SESTD1: variants seen among roughly 807,000 people sequenced by gnomAD.
The protein encoded by SESTD1 is SEC14 domain and spectrin repeat-containing protein 1.
A neutral mutation model predicts 101.7 loss-of-function variants in SESTD1; 43 were observed. That is an observed-to-expected ratio of 0.42 (90% CI 0.33 to 0.55). The LOEUF (loss-of-function observed/expected upper bound fraction) is 0.55. Ranked by LOEUF, SESTD1 falls within the 20% of genes least tolerant of loss-of-function variation. The pLI is 0.07. For missense variants in SESTD1, 647 were observed against 815.1 expected, an observed-to-expected ratio of 0.79 and a Z score of 2.51; for synonymous variants, 283 against 286.8, an observed-to-expected ratio of 0.99 and a Z score of 0.13.
At chr2:179,142,936 T>C (rs1236373457) in intron 9 of SESTD1, among the ~76,000 whole-genome samples, 1 of 152,218 alleles carries the variant, frequency 6.6e-6, no homozygotes, top group Non-Finnish European at 1.5e-5. Context: ...GTTTATCTAA[T>C]GAGTAAATGA....
chr2:179,106,925 A>G lies in SESTD1; in HGVS notation c.*2974T>C, dbSNP rs2044395630. On this transcript the variant is annotated 3_prime_UTR_variant, in exon 18 of 18. Coordinates refer to ENST00000428443, the MANE Select transcript of SESTD1 (RefSeq NM_178123.5). ...TATATATTAAGCTTACACAGGAGCA[A>G]ACAAATGATAAAAGAAAAAAAAAAT... 1 of 152,122 alleles carries G rather than the reference A, an allele frequency of 6.6e-6. No individual in the cohort carries two copies. Among genetic ancestry groups the G allele is most frequent in the Non-Finnish European group, 1.5e-5 (1 of 68,022 alleles). The allele number at this position is 152,122 out of a possible 1,614,324, so 9.4% of individuals were successfully genotyped here. A position where few individuals can be genotyped will look rare whatever the true frequency, so the allele number is the denominator to read the frequency against.
At chr2:179,116,107 C>T (rs2044625766) in intron 15 of SESTD1, among the ~76,000 whole-genome samples, 1 of 152,010 alleles carries the variant, frequency 6.6e-6, no homozygotes, top group South Asian at 2.1e-4. Context: ...AACCCCATCT[C>T]TACTAAAAAG....
At chr2:179,154,123 C>T (rs2045580810) in intron 5 of SESTD1, among the ~76,000 whole-genome samples, 1 of 150,176 alleles carries the variant, frequency 6.7e-6, no homozygotes, top group Non-Finnish European at 1.5e-5. Flanking sequence ...GTCCCAGCTA[C>T]TTGGGAAGCT....
intron 1 of SESTD1, among the ~76,000 whole-genome samples, chr2:179,231,558 T>C (rs1273752388): frequency 6.7e-6 from 1 of 150,096 alleles, no homozygotes; most frequent in Non-Finnish European, 1.5e-5. Flanking sequence ...AGAAAGCACA[T>C]CATAGAGAAA....
intron 1 of SESTD1, among the ~76,000 whole-genome samples, chr2:179,214,699 C>T (rs1295939021): frequency 7.4e-6 from 1 of 135,174 alleles, no homozygotes; most frequent in Non-Finnish European, 1.6e-5. Context: ...TTCTCAGCAC[C>T]ACATCACACT....
At chr2:179,255,387 A>G (rs559061626) in intron 1 of SESTD1, among the ~76,000 whole-genome samples, 4 of 152,348 alleles carry the variant, frequency 2.6e-5, no homozygotes, top group African/African-American at 7.2e-5. Context: ...CAGAAAACAT[A>G]CGAATGATAA....
At chr2:179,145,329 C>T (rs928627696) in intron 8 of SESTD1, among the ~76,000 whole-genome samples, 4 of 152,108 alleles carry the variant, frequency 2.6e-5, no homozygotes, top group African/African-American at 9.7e-5. Flanking sequence ...AGTCCCAGCT[C>T]CAGCATTTAC....
At position 179,204,585 on chromosome 2, in the gene SESTD1, T is replaced by C. The variant is rs939921577; in HGVS notation, c.-25-12719A>G. Reference sequence around the variant, plus strand: ...GCATGTTCAGGACAATTTGAATCTATGCTCCCAGGTTGCAGTCCTTGAGCT... The same window carrying C: ...GCATGTTCAGGACAATTTGAATCTACGCTCCCAGGTTGCAGTCCTTGAGCT... On this transcript the variant is annotated intron_variant, in intron 1 of 17. Transcript: ENST00000428443. Among the ~76,000 whole-genome samples, 7 of 135,088 alleles carry C rather than the reference T, an allele frequency of 5.2e-5. 3 individuals carry two copies. Among genetic ancestry groups the C allele is most frequent in the African/African-American group, 2.0e-4 (7 of 34,196 alleles). 88.6% of individuals were successfully genotyped at this position (135,088 alleles called of 152,430 possible).
intron 1 of SESTD1, among the ~76,000 whole-genome samples, chr2:179,195,534 G>C (rs1413708447): frequency 1.3e-5 from 2 of 152,140 alleles, no homozygotes; most frequent in Admixed American, 6.5e-5. Flanking sequence ...AACTTAGATA[G>C]TCATACTTCA....
intron 13 of SESTD1, among the ~76,000 whole-genome samples, chr2:179,119,959 G>A (rs1331141458): frequency 3.3e-5 from 5 of 152,010 alleles, no homozygotes; most frequent in East Asian, 1.9e-4. Context: ...GGCCGGGTGC[G>A]GTGGCTCACG....
At chr2:179,128,417 C>G (rs1236174095) in intron 10 of SESTD1, among the ~76,000 whole-genome samples, 1 of 152,056 alleles carries the variant, frequency 6.6e-6, no homozygotes, top group African/African-American at 2.4e-5. Flanking sequence ...AAAAGTCATC[C>G]AAATGTTTCT....
intron 1 of SESTD1, among the ~76,000 whole-genome samples, chr2:179,261,431 A>G (rs1345544558): frequency 6.6e-6 from 1 of 152,220 alleles, no homozygotes; most frequent in Non-Finnish European, 1.5e-5. Flanking sequence ...TAAAAAAACA[A>G]GCAAATGATT....
intron 7 of SESTD1, among the ~76,000 whole-genome samples, chr2:179,146,907 GTGT>G (rs2045407945): frequency 2.1e-5 from 1 of 47,902 alleles, no homozygotes; most frequent in Non-Finnish European, 3.4e-5. Flanking sequence ...TTCCAGGGGT[GTGT>G]GTGTGTGTGT....
chr2:179,199,459 G>A (rs929197633), intron 1 of SESTD1, among the ~76,000 whole-genome samples: 43 of 152,266 alleles, frequency 2.8e-4, no homozygotes, highest in South Asian at 4.1e-4. Context: ...ATTTTATGAG[G>A]CCAGCATCAT....
rs762295460 is a variant in SESTD1, at chr2:179,210,203, T to C, written c.-25-18337A>G. On this transcript the variant is annotated intron_variant, in intron 1 of 17. Coordinates refer to ENST00000428443, the MANE Select transcript of SESTD1 (RefSeq NM_178123.5). ...AAGATTGAAACAGTAATTTAAAAAT[T>C]CCAACGAAAGAAGTTGAGGACTAGA... is the stretch of plus-strand genomic sequence containing the variant. 1.5e-5 allele frequency among the ~76,000 whole-genome samples: 2 copies of C among 133,934 alleles called. 1 individual carries two copies. Among genetic ancestry groups the C allele is most frequent in the African/African-American group, 5.9e-5 (2 of 33,836 alleles). The allele number at this position is 133,934 out of a possible 152,430, so 87.9% of individuals were successfully genotyped here. A position where few individuals can be genotyped will look rare whatever the true frequency, so the allele number is the denominator to read the frequency against.
intron 3 of SESTD1, among the ~76,000 whole-genome samples, chr2:179,178,994 A>G (rs1484944222): frequency 6.6e-6 from 1 of 152,218 alleles, no homozygotes; most frequent in African/African-American, 2.4e-5. Flanking sequence ...GAGTACTTAG[A>G]AACACGCTTA....
chr2:179,124,964 TTC>T lies in SESTD1; in HGVS notation c.973-408_973-407del, dbSNP rs376821249. On this transcript the variant is annotated intron_variant, in intron 10 of 17. Transcript: ENST00000428443. ...GCTGTTAGATTACATCTTTTCAGCT[TTC>T]TGTGTGGTATCACCTCATCCACAGA... is the stretch of plus-strand genomic sequence containing the variant. Among the ~76,000 whole-genome samples the T allele has an allele frequency of 3.4e-3, 519 of 152,294 alleles. 3 individuals are homozygous for T. Among genetic ancestry groups the T allele is most frequent in the South Asian group, 6.4e-3 (31 of 4,826 alleles).
At chr2:179,246,868 A>G (rs1383822378) in intron 1 of SESTD1, among the ~76,000 whole-genome samples, 1 of 152,236 alleles carries the variant, frequency 6.6e-6, no homozygotes, top group African/African-American at 2.4e-5. Context: ...AAGGTGGCAG[A>G]GTGAAAGTAG....
intron 5 of SESTD1, among the ~76,000 whole-genome samples, chr2:179,154,124 T>A (rs1052641340): frequency 1.5e-4 from 23 of 149,626 alleles, no homozygotes; most frequent in African/African-American, 5.7e-4. Flanking sequence ...TCCCAGCTAC[T>A]TGGGAAGCTG....
Sources: gnomAD v4.1 joint callset for allele counts (sites outside exome capture counted in the v4.1 genomes callset) on GRCh38, gnomAD v4.1.1 for gene constraint, MANE v1.5 for transcripts, NCBI Gene and HGNC (gene_info 2026-07-23, HGNC 2026-07-21) for gene names.